The following KIF6 variants were observed in gnomAD, a reference collection of about 807,000 sequenced individuals.
The protein encoded by KIF6 is kinesin family member 6.
Under a neutral mutation model 112.7 loss-of-function variants are expected in KIF6, and 106 were observed. The observed-to-expected ratio is 0.94, with a 90% confidence interval of 0.80 to 1.11. KIF6 has a LOEUF of 1.11. Among genes scored for constraint, KIF6 ranks in the 50% least tolerant of loss-of-function variants. The pLI is 0.00. For synonymous variants in KIF6, 339 were observed against 339.9 expected, an observed-to-expected ratio of 1.00 and a Z score of 0.03; for missense variants, 929 against 964.0, an observed-to-expected ratio of 0.96 and a Z score of 0.48.
chr6:39,592,206 A>G (rs946899268), intron 7 of KIF6, among the ~76,000 whole-genome samples: 7 of 152,242 alleles, frequency 4.6e-5, no homozygotes, highest in Non-Finnish European at 1.0e-4. Flanking sequence ...AATATTCCTG[A>G]AGTTATTCTC....
chr6:39,707,242 A>T (rs1227185576), intron 3 of KIF6, among the ~76,000 whole-genome samples: 4 of 152,212 alleles, frequency 2.6e-5, no homozygotes, highest in Non-Finnish European at 1.5e-5. Flanking sequence ...TAGAAACCTT[A>T]CTTCCCTTAG....
chr6:39,721,813 T>G (rs1403105637), intron 1 of KIF6, among the ~76,000 whole-genome samples: 1 of 151,008 alleles, frequency 6.6e-6, no homozygotes, highest in Non-Finnish European at 1.5e-5. Flanking sequence ...TTAAAGGTTT[T>G]TTTTTTTTTT....
At chr6:39,627,074 A>T (rs1042775598) in intron 5 of KIF6, among the ~76,000 whole-genome samples, 1 of 152,070 alleles carries the variant, frequency 6.6e-6, no homozygotes, top group Non-Finnish European at 1.5e-5. Flanking sequence ...TTGCCTGCCA[A>T]ATCCTCACAT....
At chr6:39,544,818 C>A in intron 11 of KIF6, 125 bp from the exon 12 acceptor site, 1 of 497,006 alleles carries the variant, frequency 2.0e-6, no homozygotes, top group Non-Finnish European at 3.4e-6. Context: ...GATGCAGGTG[C>A]GATGTCTTTG....
At chr6:39,439,219 G>C (rs1771752408) in intron 13 of KIF6, among the ~76,000 whole-genome samples, 2 of 152,146 alleles carry the variant, frequency 1.3e-5, no homozygotes, top group South Asian at 4.1e-4. Context: ...TTAGCTAAGA[G>C]GTACTGCAAA....
intron 19 of KIF6, among the ~76,000 whole-genome samples, chr6:39,351,772 G>A (rs752921472): frequency 4.6e-5 from 7 of 152,190 alleles, no homozygotes; most frequent in South Asian, 2.1e-4. Context: ...AAATAGCCAG[G>A]GGTTCTGAGC....
intron 13 of KIF6, among the ~76,000 whole-genome samples, chr6:39,482,490 A>G (rs557313227): frequency 3.8e-4 from 58 of 152,334 alleles, no homozygotes; most frequent in Non-Finnish European, 7.2e-4. Context: ...CAAGAGGCTG[A>G]GGATGGAAGT....
chr6:39,498,199 C>T (rs185719046), intron 13 of KIF6, among the ~76,000 whole-genome samples: 21 of 152,284 alleles, frequency 1.4e-4, no homozygotes, highest in Admixed American at 1.3e-3. Context: ...AAAATAATAA[C>T]TCTTCCAATG....
intron 3 of KIF6, among the ~76,000 whole-genome samples, chr6:39,707,919 G>A (rs957799597): frequency 6.6e-6 from 1 of 152,228 alleles, no homozygotes; most frequent in Admixed American, 6.5e-5. Context: ...GCTAGGGCCA[G>A]AATTGGATTA....
In KIF6 at chr6:39,530,691, G is replaced by A. The variant is rs550768722; in HGVS notation, c.1645+9312C>T. Among the ~76,000 whole-genome samples, 4 of 152,298 alleles carry A rather than the reference G, an allele frequency of 2.6e-5. No individual in the cohort carries two copies. In the East Asian group the frequency reaches 5.8e-4, roughly 22 times the overall value. On this transcript the variant is annotated intron_variant, in intron 13 of 22. Transcript: ENST00000287152. ...AAATTGGTAAAGTGGAGGTGAATGG[G>A]AAATGAGAGAGGGTTGTCAAAGGGG...
chr6:39,607,183 A>G (rs1313518484), intron 6 of KIF6, among the ~76,000 whole-genome samples: 1 of 152,218 alleles, frequency 6.6e-6, no homozygotes. Flanking sequence ...TAAATTTTAT[A>G]GCCAAAAGAC....
chr6:39,509,971 C>G (rs1311029857), intron 13 of KIF6, among the ~76,000 whole-genome samples: 1 of 152,104 alleles, frequency 6.6e-6, no homozygotes, highest in Non-Finnish European at 1.5e-5. Context: ...ATGTTAAGGA[C>G]AGCCAGAGAG....
At chr6:39,621,889 G>A (rs1309700557) in intron 5 of KIF6, among the ~76,000 whole-genome samples, 3 of 152,126 alleles carry the variant, frequency 2.0e-5, no homozygotes, top group African/African-American at 7.2e-5. Context: ...ATTTCAGCCA[G>A]GCGTGGTGGC....
chr6:39,368,813 A>C (rs919887743), intron 16 of KIF6, among the ~76,000 whole-genome samples: 1 of 152,214 alleles, frequency 6.6e-6, no homozygotes, highest in East Asian at 1.9e-4. Context: ...CACCAAAGCC[A>C]AAAGGGGCCC....
At position 39,613,172 on chromosome 6, in the gene KIF6, A is replaced by G; in HGVS notation, c.639+17T>C. The stretch of plus-strand genomic sequence containing the variant: ...TTATAATGTTGAAGAAACAGCTTGC[A>G]GAGAGAAGTTTATTACCTCTGCAAT... On this transcript the variant is annotated intron_variant, in intron 6 of 22. Coordinates refer to ENST00000287152, the MANE Select transcript of KIF6 (RefSeq NM_145027.6). The G allele has an allele frequency of 1.3e-6, 2 of 1,553,974 alleles. No individual in the cohort carries two copies. Among genetic ancestry groups the G allele is most frequent in the Non-Finnish European group, 1.7e-6 (2 of 1,155,602 alleles).
chr6:39,535,227 G>A (rs1031591365), intron 13 of KIF6, among the ~76,000 whole-genome samples: 1 of 152,166 alleles, frequency 6.6e-6, no homozygotes, highest in Admixed American at 6.5e-5. Context: ...AACTTTAAAT[G>A]TAAATGGACT....
intron 10 of KIF6, among the ~76,000 whole-genome samples, chr6:39,549,810 A>G (rs1779271179): frequency 6.6e-6 from 1 of 152,226 alleles, no homozygotes; most frequent in Non-Finnish European, 1.5e-5. Context: ...TTAAGCAGCA[A>G]TTTAAGTGAC....
chr6:39,372,115 T>C (rs6924789), intron 16 of KIF6, among the ~76,000 whole-genome samples: 96,687 of 152,014 alleles, frequency 0.64, 31,013 homozygotes, highest in Non-Finnish European at 0.66. Context: ...TTGATGAAAT[T>C]GGAATTATTA....
At chr6:39,510,089 CTTTTCTT>C (rs1562275130) in intron 13 of KIF6, among the ~76,000 whole-genome samples, 2 of 138,308 alleles carry the variant, frequency 1.4e-5, no homozygotes, top group Non-Finnish European at 1.5e-5. Flanking sequence ...ACATTCTTTT[CTTTTCTT>C]TTTTTTTTTT....
Sources: allele counts gnomAD v4.1 joint callset (sites outside exome capture counted in the v4.1 genomes callset), GRCh38; gene constraint gnomAD v4.1.1; transcripts MANE v1.5; gene names NCBI Gene and HGNC (gene_info 2026-07-23, HGNC 2026-07-21).